MAPK10: variants seen among roughly 807,000 people sequenced by gnomAD.
MAPK10 encodes the protein mitogen-activated protein kinase 10, also known as JNK3 alpha protein kinase.
MAPK10 carries 25 observed loss-of-function variants against 59.3 expected under a neutral mutation model. The ratio of observed to expected loss-of-function variants is 0.42; its 90% CI spans 0.31 to 0.59. The LOEUF is 0.59. MAPK10 is among the 20% of genes least tolerant of loss of function. The pLI, the probability that MAPK10 is intolerant of heterozygous loss-of-function variation, is 0.15. For synonymous variants in MAPK10, 190 were observed against 200.5 expected (o/e 0.95, Z 0.44); for missense variants, 351 against 568.9 (o/e 0.62, Z 3.90).
chr4:86,417,142 C>T (rs537583071), intron 1 of MAPK10, among the ~76,000 whole-genome samples: 7 of 152,096 alleles, frequency 4.6e-5, no homozygotes, highest in Non-Finnish European at 8.8e-5. Flanking sequence ...TTTTCTTTCT[C>T]TTTTATACAT....
chr4:86,259,132 C>G (rs1321889735), intron 2 of MAPK10, among the ~76,000 whole-genome samples: 3 of 152,076 alleles, frequency 2.0e-5, no homozygotes, highest in African/African-American at 7.2e-5. Context: ...GCAACTCCTG[C>G]TACATATCCC....
intron 3 of MAPK10, among the ~76,000 whole-genome samples, chr4:86,172,719 TATA>T (rs569073785): frequency 2.4e-4 from 35 of 148,536 alleles, no homozygotes; most frequent in African/African-American, 7.4e-4. Flanking sequence ...AAACTTAAAG[TATA>T]ATAATAATAA....
intron 2 of MAPK10, among the ~76,000 whole-genome samples, chr4:86,277,676 GTTAC>G (rs1309777161): frequency 1.3e-5 from 2 of 152,112 alleles, no homozygotes; most frequent in Non-Finnish European, 2.9e-5. Flanking sequence ...AATAACCAGT[GTTAC>G]TTGTTTCTAG....
chr4:86,017,165 G>A lies in MAPK10; in HGVS notation c.*63C>T, dbSNP rs1465881827. 2.4e-5 allele frequency: 34 copies of A among 1,430,440 alleles called. No individual in the cohort carries two copies. Among genetic ancestry groups the A allele is most frequent in the Middle Eastern group, 2.4e-4 (1 of 4,088 alleles). 88.6% of individuals were successfully genotyped at this position (1,430,440 alleles called of 1,614,324 possible). On this transcript the variant is annotated 3_prime_UTR_variant, in exon 14 of 14. Coordinates refer to ENST00000641462, the MANE Select transcript of MAPK10 (RefSeq NM_138982.4). This position sits in a 1 kb window ranked among gnomAD's most constrained non-coding sequence, Gnocchi z 4.4. The stretch of plus-strand genomic sequence containing the variant: ...CATTTGTGTGTGTGTGTGTGTCTGC[G>A]TGTGTGTGTGTTCCATCACATCATC...
At chr4:86,479,815 G>T (rs1377378334) in intron 1 of MAPK10, among the ~76,000 whole-genome samples, 10 of 152,000 alleles carry the variant, frequency 6.6e-5, no homozygotes, top group East Asian at 3.9e-4. Flanking sequence ...ATTGTATCCA[G>T]GCCATCACCA....
At chr4:86,470,727 T>C (rs1752586744) in intron 1 of MAPK10, among the ~76,000 whole-genome samples, 1 of 150,950 alleles carries the variant, frequency 6.6e-6, no homozygotes, top group African/African-American at 2.4e-5. Context: ...AGGGAAAGAA[T>C]TGAATGTTAG....
chr4:86,439,251 G>A (rs1051705476), intron 1 of MAPK10, among the ~76,000 whole-genome samples: 1 of 151,844 alleles, frequency 6.6e-6, no homozygotes, highest in Non-Finnish European at 1.5e-5. Context: ...GTTTCCTCAT[G>A]GTGCACCTTT....
intron 1 of MAPK10, among the ~76,000 whole-genome samples, chr4:86,536,704 T>A (rs969118847): frequency 6.6e-6 from 1 of 152,202 alleles, no homozygotes; most frequent in Non-Finnish European, 1.5e-5. Flanking sequence ...CAAAAAGCTA[T>A]TTACATGGAA....
intron 2 of MAPK10, among the ~76,000 whole-genome samples, chr4:86,250,295 G>T (rs540704442): frequency 6.6e-6 from 1 of 152,230 alleles, no homozygotes; most frequent in South Asian, 2.1e-4. Context: ...GAGGCAAGTG[G>T]CTGGTTTTAA....
At chr4:86,030,516 A>G (rs2038784379) in intron 12 of MAPK10, among the ~76,000 whole-genome samples, 1 of 151,896 alleles carries the variant, frequency 6.6e-6, no homozygotes, top group African/African-American at 2.4e-5. Context: ...TGTTTCTAGC[A>G]GAGACAGGGT....
intron 11 of MAPK10, chr4:86,032,695 C>T (rs2039325692): frequency 6.6e-6 from 1 of 152,186 alleles, no homozygotes; most frequent in Non-Finnish European, 1.5e-5. Context: ...TCTGTGGTAG[C>T]TTGAATCATG....
In MAPK10 at chr4:86,103,230, T is replaced by C. The variant is rs745894844; in HGVS notation, c.381A>G (p.Leu127=). The C allele has an allele frequency of 8.2e-6, 13 of 1,578,264 alleles. No homozygotes were observed. The highest frequency in any genetic ancestry group is 9.6e-6 in the Non-Finnish European group (11 of 1,147,458). Residue 127 remains leucine (L), a synonymous_variant, in exon 6 of 14, where the codon TTA becomes TTG. Transcript: ENST00000641462. ...GCGTTTTCTGGGGTGTGAAGACATT[T>C]AATAAACTAATAATCTGAAAGAGAG... ...CVNHKNIISL[L]NVFTPQKTLE...
chr4:86,388,211 T>TGA (rs571495609), intron 1 of MAPK10, among the ~76,000 whole-genome samples: 2 of 150,946 alleles, frequency 1.3e-5, no homozygotes, highest in East Asian at 1.9e-4. Context: ...TGTGTCTGTG[T>TGA]GAGAGAGAGA....
At chr4:86,412,580 T>C (rs1745328305) in intron 1 of MAPK10, among the ~76,000 whole-genome samples, 1 of 152,234 alleles carries the variant, frequency 6.6e-6, no homozygotes, top group Non-Finnish European at 1.5e-5. Context: ...CCCATATTTC[T>C]TGGAGGCTTT....
intron 1 of MAPK10, among the ~76,000 whole-genome samples, chr4:86,546,518 C>T (rs900058058): frequency 6.7e-6 from 1 of 148,944 alleles, no homozygotes; most frequent in Non-Finnish European, 1.5e-5. Context: ...GATCGCGCTA[C>T]TGCACTCCAG....
At chr4:86,584,265 A>G (rs557597503) in intron 1 of MAPK10, among the ~76,000 whole-genome samples, 1 of 152,302 alleles carries the variant, frequency 6.6e-6, no homozygotes, top group African/African-American at 2.4e-5. Context: ...CTACAACATC[A>G]AGATTAATTC....
intron 1 of MAPK10, among the ~76,000 whole-genome samples, chr4:86,530,068 CTTT>C (rs199905487): frequency 9.1e-5 from 12 of 132,208 alleles, no homozygotes; most frequent in Non-Finnish European, 1.5e-4. Flanking sequence ...TTTGTTTTTC[CTTT>C]TTTTTTTTTT....
At chr4:86,087,245 G>C (rs2052081817) in intron 9 of MAPK10, among the ~76,000 whole-genome samples, 1 of 152,098 alleles carries the variant, frequency 6.6e-6, no homozygotes, top group South Asian at 2.1e-4. Flanking sequence ...TTAATTTACA[G>C]GTGGCAAATA....
chr4:86,561,534 A>G (rs1760679261), intron 1 of MAPK10, among the ~76,000 whole-genome samples: 2 of 152,088 alleles, frequency 1.3e-5, no homozygotes. Context: ...TCCCTTGTTG[A>G]TTTACAGTGA....
Sources: allele counts gnomAD v4.1 joint callset (sites outside exome capture counted in the v4.1 genomes callset), GRCh38; gene constraint gnomAD v4.1.1; non-coding constraint Gnocchi (gnomAD v3.1); transcripts MANE v1.5; gene names NCBI Gene and HGNC (gene_info 2026-07-23, HGNC 2026-07-21).